SLC9A7: variants seen among roughly 807,000 people sequenced by gnomAD.
The protein encoded by SLC9A7 is sodium/hydrogen exchanger 7.
Under a neutral mutation model 52.6 loss-of-function variants are expected in SLC9A7, and 19 were observed. That is an observed-to-expected ratio of 0.36 (90% CI 0.25 to 0.53). The LOEUF (loss-of-function observed/expected upper bound fraction) is 0.53. SLC9A7 is among the 20% of genes least tolerant of loss of function. The probability of loss-of-function intolerance (pLI) is 0.91; values close to 1 mark genes in which losing one functional copy is unlikely to be tolerated. For synonymous variants in SLC9A7, 226 were observed against 252.1 expected, an observed-to-expected ratio of 0.90 and a Z score of 0.98; for missense variants, 455 against 597.9, an observed-to-expected ratio of 0.76 and a Z score of 2.49.
rs1385577506 is a variant in SLC9A7 at position 46,691,914 on chromosome X, G to A, written c.326-9379C>T. On this transcript the variant is annotated intron_variant, in intron 1 of 16. Transcript: ENST00000616978. ...TTTTCACCAGAGGAAAATTTCAAGG[G>A]TAGGCATAATTGTCCTTGTATAAAT... is the stretch of plus-strand genomic sequence containing the variant. Among the ~76,000 whole-genome samples the A allele has an allele frequency of 4.5e-5, 5 of 110,979 alleles. No individual in the cohort carries two copies. The East Asian group carries it at 1.4e-3, about 31-fold the overall frequency.
At chrX:46,756,037 G>A (rs1008604487) in intron 1 of SLC9A7, among the ~76,000 whole-genome samples, 37 of 109,231 alleles carry the variant, frequency 3.4e-4, no homozygotes, top group African/African-American at 1.1e-3. Flanking sequence ...AAATGTAAAC[G>A]CTGTTCTTCT....
chrX:46,682,626 T>C (rs1172928084), intron 1 of SLC9A7, 91 bp from the exon 2 acceptor site: 1 of 816,098 alleles, frequency 1.2e-6, no homozygotes, highest in Non-Finnish European at 1.8e-6. Context: ...AACTAAGAAA[T>C]GCAGCAGTAA....
At chrX:46,665,573 A>G (rs1943906136) in intron 5 of SLC9A7, among the ~76,000 whole-genome samples, 1 of 109,381 alleles carries the variant, frequency 9.1e-6, no homozygotes, top group Non-Finnish European at 1.9e-5. Context: ...AAAAAAAAAA[A>G]AAAAAAGAAA....
intron 12 of SLC9A7, among the ~76,000 whole-genome samples, chrX:46,637,487 T>C (rs1276848515): frequency 2.7e-5 from 3 of 112,521 alleles, no homozygotes; most frequent in Non-Finnish European, 5.6e-5. Context: ...AAGTAGAGCA[T>C]TCTTACTTGT....
intron 1 of SLC9A7, among the ~76,000 whole-genome samples, chrX:46,695,732 G>A (rs756539131): frequency 1.8e-5 from 2 of 110,327 alleles, no homozygotes; most frequent in Non-Finnish European, 3.8e-5. Context: ...AAGGTGGGGT[G>A]TGGGGGATCT....
At chrX:46,667,480 C>T (rs758505637) in intron 5 of SLC9A7, among the ~76,000 whole-genome samples, 1 of 110,892 alleles carries the variant, frequency 9.0e-6, no homozygotes, top group Non-Finnish European at 1.9e-5. Flanking sequence ...TGGCTATATA[C>T]ATTTAAATTA....
At chrX:46,735,098 T>C (rs1945100140) in intron 1 of SLC9A7, among the ~76,000 whole-genome samples, 1 of 111,639 alleles carries the variant, frequency 9.0e-6, no homozygotes, top group African/African-American at 3.3e-5. Context: ...AATCTGATGA[T>C]CTCTGTCTTT....
chrX:46,643,106 C>T, intron 12 of SLC9A7, 130 bp downstream of exon 12: 3 of 553,359 alleles, frequency 5.4e-6, no homozygotes, highest in Non-Finnish European at 8.2e-6. Flanking sequence ...TGTTAATCCC[C>T]CCTCACAAAC....
At chrX:46,690,523 T>C (rs1602234978) in intron 1 of SLC9A7, among the ~76,000 whole-genome samples, 1 of 112,144 alleles carries the variant, frequency 8.9e-6, no homozygotes, top group African/African-American at 3.2e-5. Context: ...TTGTCAGATA[T>C]ATGATTTGCA....
intron 11 of SLC9A7, among the ~76,000 whole-genome samples, chrX:46,645,780 T>C (rs1943482413): frequency 9.0e-6 from 1 of 111,120 alleles, no homozygotes; most frequent in South Asian, 3.8e-4. Flanking sequence ...TTGGACGTGA[T>C]CAAGAGGCAC....
chrX:46,739,073 AAAC>A (rs775274842), intron 1 of SLC9A7, among the ~76,000 whole-genome samples: 26 of 112,161 alleles, frequency 2.3e-4, no homozygotes, highest in Non-Finnish European at 3.8e-4. Context: ...TAATTCAATA[AAAC>A]AACGACAGAT....
At chrX:46,619,489 A>G (rs192643441) in intron 15 of SLC9A7, among the ~76,000 whole-genome samples, 2 of 112,135 alleles carry the variant, frequency 1.8e-5, no homozygotes, top group East Asian at 5.5e-4. Context: ...TATAAGAAAT[A>G]CTATGGAACA....
intron 1 of SLC9A7, among the ~76,000 whole-genome samples, chrX:46,736,652 T>C (rs1376475086): frequency 2.7e-5 from 3 of 111,538 alleles, no homozygotes; most frequent in African/African-American, 9.8e-5. Context: ...TCCATGGTTA[T>C]GCTCAGGGCC....
intron 1 of SLC9A7, among the ~76,000 whole-genome samples, chrX:46,691,094 T>C (rs1277400022): frequency 8.9e-6 from 1 of 111,896 alleles, no homozygotes. Flanking sequence ...CTTTAATAAA[T>C]GTTCCTCAAT....
chrX:46,628,678 T>A (rs1943175231), intron 14 of SLC9A7, among the ~76,000 whole-genome samples: 1 of 112,504 alleles, frequency 8.9e-6, no homozygotes, highest in South Asian at 3.7e-4. Flanking sequence ...AGGAAGATTA[T>A]TTAGAAAATG....
At chrX:46,751,611 C>G (rs1253889502) in intron 1 of SLC9A7, among the ~76,000 whole-genome samples, 3 of 111,078 alleles carry the variant, frequency 2.7e-5, no homozygotes, top group Admixed American at 9.7e-5. Context: ...AGTTCGAAAT[C>G]AGCCTGGGCA....
intron 3 of SLC9A7, among the ~76,000 whole-genome samples, chrX:46,673,054 G>A (rs1042199709): frequency 2.7e-5 from 3 of 111,880 alleles, no homozygotes; most frequent in African/African-American, 9.8e-5. Context: ...CAAATAAAGT[G>A]TGAAGGTGCT....
chrX:46,629,670 G>C (rs933543076), intron 14 of SLC9A7, among the ~76,000 whole-genome samples: 1 of 111,844 alleles, frequency 8.9e-6, no homozygotes, highest in African/African-American at 3.3e-5. Context: ...AGCTGCTATT[G>C]GCCTTTTTTT....
chrX:46,682,443 T>C lies in SLC9A7; in HGVS notation c.418A>G (p.Ser140Gly). ...LSCTQEDRAF[S>G]TLLVNVSGKF... Reference sequence around the variant, plus strand: ...CCGCTGACATTCACTAATAAGGTACTGAAGGCCCTGTCTTCCTGAGTGCAG... The same window carrying C: ...CCGCTGACATTCACTAATAAGGTACCGAAGGCCCTGTCTTCCTGAGTGCAG... The change falls in exon 2 of 17, where the codon AGT becomes GGT. Residue 140 changes from serine (S) to glycine (G), a missense_variant. Physicochemically the swap from Ser to Gly is moderately conservative, Grantham distance 56 (BLOSUM62 0). Coordinates refer to ENST00000616978, the MANE Select transcript of SLC9A7 (RefSeq NM_001257291.2). The C allele has an allele frequency of 8.3e-7, 1 of 1,211,344 alleles. No homozygotes were observed. The highest frequency in any genetic ancestry group is 1.1e-6 in the Non-Finnish European group (1 of 895,200).
Sources: gnomAD v4.1 joint callset for allele counts (sites outside exome capture counted in the v4.1 genomes callset) on GRCh38, gnomAD v4.1.1 for gene constraint, MANE v1.5 for transcripts, NCBI Gene and HGNC (gene_info 2026-07-23, HGNC 2026-07-21) for gene names.